Variants in EXOC1 observed in about 807,000 individuals in gnomAD.
EXOC1 encodes the protein SEC3-like 1.
Under a neutral mutation model 107.7 loss-of-function variants are expected in EXOC1, and 67 were observed. That is an observed-to-expected ratio of 0.62 (90% confidence interval 0.51 to 0.76). The LOEUF is 0.76. Among genes scored for constraint, EXOC1 ranks in the 30% least tolerant of loss-of-function variants. The pLI is 0.00. For synonymous variants in EXOC1, 348 were observed against 353.5 expected (o/e 0.98, Z 0.17); for missense variants, 833 against 1,055.7 (o/e 0.79, Z 2.92).
chr4:55,857,992 GTC>G (rs1721152124), intron 1 of EXOC1, among the ~76,000 whole-genome samples: 1 of 152,042 alleles, frequency 6.6e-6, no homozygotes, highest in African/African-American at 2.4e-5. Context: ...GGGGTTATTT[GTC>G]TTCTTATTGT....
chr4:55,891,381 T>TA lies in EXOC1; in HGVS notation c.1606_1607insA (p.Phe536TyrfsTer16). ...GGCAGAACAGGACTTCATAAGTAAA[T>TA]TTTTCAAACTACAGCAACATCAAAG... On this transcript the variant is annotated frameshift_variant, in exon 13 of 19. Transcript: ENST00000381295. LOFTEE classifies it high-confidence loss of function. The TA allele has an allele frequency of 6.2e-7, 1 of 1,613,820 alleles. No individual in the cohort carries two copies. Among genetic ancestry groups the TA allele is most frequent in the Non-Finnish European group, 8.5e-7 (1 of 1,179,824 alleles).
At chr4:55,878,463 T>G (rs923022711) in intron 9 of EXOC1, among the ~76,000 whole-genome samples, 1 of 152,198 alleles carries the variant, frequency 6.6e-6, no homozygotes, top group Admixed American at 6.5e-5. Context: ...ATTCCACTAT[T>G]CCAGGCACCT....
At chr4:55,899,636 T>C (rs780492489) in intron 16 of EXOC1, 49 bp from the exon 17 acceptor site, 1 of 1,497,526 alleles carries the variant, frequency 6.7e-7, no homozygotes, top group Non-Finnish European at 9.1e-7. Flanking sequence ...TATAGCTAAA[T>C]ATGGTCATAC....
chr4:55,889,055 T>C, intron 11 of EXOC1, 123 bp downstream of exon 11: 2 of 873,098 alleles, frequency 2.3e-6, no homozygotes, highest in Non-Finnish European at 3.7e-6. Context: ...CAGGTATTGG[T>C]GAAAGAAAGC....
At chr4:55,876,104 A>G (rs1008294205) in intron 8 of EXOC1, 6 of 985,102 alleles carry the variant, frequency 6.1e-6, no homozygotes, top group Non-Finnish European at 7.2e-6. Context: ...TAATAGTCCA[A>G]TGGTAATGCC....
rs751148319 is a variant in EXOC1, at chr4:55,871,158, T to G, written c.889T>G (p.Ser297Ala). 3.7e-6 allele frequency: 6 copies of G among 1,613,914 alleles called. No individual in the cohort carries two copies. Among genetic ancestry groups the G allele is most frequent in the East Asian group, 2.2e-5 (1 of 44,856 alleles). Residue 297 changes from serine (S) to alanine (A), a missense_variant, in exon 7 of 19, where the codon TCT (serine) becomes GCT (alanine). Ser to Ala is a moderately conservative substitution (Grantham distance 99). Around this residue, in one of 2 missense-constraint regions of EXOC1, gnomAD observed 617 missense variants for 701.3 expected, o/e 0.88. Coordinates refer to ENST00000381295, the MANE Select transcript of EXOC1 (RefSeq NM_001024924.2). Reference protein sequence around the residue: ...IKALQEGDLASSRGIEACTNA... With the variant: ...IKALQEGDLAASRGIEACTNA... ...GGCCCTTCAGGAAGGAGATCTTGCT[T>G]CTTCCAGAGGCATTGAGGCCTGCAC... is the stretch of plus-strand genomic sequence containing the variant.
intron 8 of EXOC1, among the ~76,000 whole-genome samples, chr4:55,873,604 TA>T (rs1420406915): frequency 1.3e-5 from 2 of 152,208 alleles, no homozygotes; most frequent in East Asian, 3.8e-4. Flanking sequence ...TGGCCTCGTT[TA>T]AAATGAATGC....
Position 55,865,552 on chromosome 4 carries a change from G to T in EXOC1, c.415+1166G>T, listed in dbSNP as rs181572458. Among the ~76,000 whole-genome samples, 16 of 152,292 alleles carry T rather than the reference G, an allele frequency of 1.1e-4. No individual in the cohort carries two copies. In the East Asian group the frequency reaches 2.9e-3, roughly 28 times the overall value. ...GTAACTTTTCATGCCTTGAATCGTG[G>T]TTTAATTTGCTTCGAATGGCTTTTA... On this transcript the variant is annotated intron_variant, in intron 4 of 18. Transcript: ENST00000381295.
chr4:55,886,552 CAAAAAACAAAAAAACA>C (rs774957758), intron 10 of EXOC1, among the ~76,000 whole-genome samples: 1 of 117,750 alleles, frequency 8.5e-6, no homozygotes, highest in African/African-American at 3.2e-5. Context: ...GACCCTGTCT[CAAAAAACAAAAAAACA>C]AAAAAACAAA....
chr4:55,871,746 A>C, intron 7 of EXOC1, 103 bp from the exon 8 acceptor site: 1 of 953,438 alleles, frequency 1.0e-6, no homozygotes, highest in Non-Finnish European at 1.6e-6. Context: ...CACCCATAAA[A>C]CTTTTGGGTT....
chr4:55,890,939 G>A (rs1175291306), intron 12 of EXOC1, among the ~76,000 whole-genome samples: 3 of 152,120 alleles, frequency 2.0e-5, no homozygotes, highest in Non-Finnish European at 2.9e-5. Context: ...TGCTGGCCAG[G>A]CTGGTTTCGA....
At chr4:55,892,813 G>T (rs1448969678) in intron 14 of EXOC1, 102 bp downstream of exon 14, 2 of 1,030,142 alleles carry the variant, frequency 1.9e-6, no homozygotes, top group Non-Finnish European at 3.0e-6. Flanking sequence ...TAGCCTGACA[G>T]CACTCACAGT....
intron 3 of EXOC1, among the ~76,000 whole-genome samples, chr4:55,863,230 A>T (rs559132497): frequency 6.6e-6 from 1 of 152,104 alleles, no homozygotes; most frequent in Admixed American, 6.6e-5. Context: ...AAGTAGTTCT[A>T]TTCATTCAAG....
chr4:55,897,183 GTGGCATGATCT>G (rs1725319725), intron 16 of EXOC1, among the ~76,000 whole-genome samples: 1 of 151,062 alleles, frequency 6.6e-6, no homozygotes, highest in African/African-American at 2.4e-5. Flanking sequence ...CTGGAGTGCG[GTGGCATGATCT>G]TGGCTCACTG....
chr4:55,894,370 T>C (rs1272403242), intron 15 of EXOC1, among the ~76,000 whole-genome samples: 6 of 152,002 alleles, frequency 3.9e-5, no homozygotes, highest in African/African-American at 1.4e-4. Flanking sequence ...CATCTCAGTT[T>C]ATTAGTCAAT....
rs905813809 is a variant in EXOC1 at position 55,858,410 on chromosome 4, A to C, written c.87A>C (p.Ala29=). 1.2e-6 allele frequency: 2 copies of C among 1,607,406 alleles called. No homozygotes were observed. Among genetic ancestry groups the C allele is most frequent in the Non-Finnish European group, 1.7e-6 (2 of 1,177,296 alleles). The change falls in exon 2 of 19, where the codon GCA becomes GCC. Residue 29 remains alanine, a synonymous_variant. Coordinates refer to ENST00000381295, the MANE Select transcript of EXOC1 (RefSeq NM_001024924.2). ...TGAGCATTGTGAATGTCTGCAAAGC[A>C]GGAAAAAAGAAAAAGAACTGTTTTT... ...RLLSIVNVCK[A]GKKKKNCFLC... is the part of the protein sequence containing the mutation.
intron 8 of EXOC1, chr4:55,876,659 A>G: frequency 1.6e-5 from 16 of 985,198 alleles, no homozygotes; most frequent in Non-Finnish European, 1.9e-5. Context: ...AGTTCTTGTT[A>G]TTTTGAACTG....
At chr4:55,891,448 A>G in intron 13 of EXOC1, 26 bp downstream of exon 13, 1 of 1,425,154 alleles carries the variant, frequency 7.0e-7, no homozygotes, top group South Asian at 1.2e-5. Flanking sequence ...TATTTTGGAT[A>G]GTATTTATGA....
intron 9 of EXOC1, among the ~76,000 whole-genome samples, chr4:55,881,063 A>G (rs1477380916): frequency 3.3e-5 from 5 of 152,202 alleles, no homozygotes; most frequent in Admixed American, 3.3e-4. Flanking sequence ...TTTGGCAGGA[A>G]CAGGAAAAAC....
Sources: allele counts gnomAD v4.1 joint callset (sites outside exome capture counted in the v4.1 genomes callset), GRCh38; gene constraint gnomAD v4.1.1; regional missense constraint gnomAD v4.1.1; transcripts MANE v1.5; gene names NCBI Gene and HGNC (gene_info 2026-07-23, HGNC 2026-07-21).